Variants in GATAD2A observed in about 807,000 individuals in gnomAD.
GATAD2A encodes transcriptional repressor p66-alpha.
In GATAD2A, 12 loss-of-function variants were observed where a neutral mutation model predicts 68.5. The observed-to-expected ratio is 0.18, with a 90% CI of 0.11 to 0.28. The LOEUF is 0.28. GATAD2A is among the 10% of genes least tolerant of loss of function. The pLI is 1.00. For synonymous variants in GATAD2A, 410 were observed against 375.3 expected (o/e 1.09, Z -1.07); for missense variants, 755 against 868.5 (o/e 0.87, Z 1.64).
At chr19:19,447,343 T>C (rs1349711267) in intron 1 of GATAD2A, among the ~76,000 whole-genome samples, 1 of 151,984 alleles carries the variant, frequency 6.6e-6, no homozygotes, top group Admixed American at 6.6e-5. Flanking sequence ...GTGGCTGGAT[T>C]ATGGTCAGGC....
At chr19:19,434,610 GT>G (rs2147501841) in intron 1 of GATAD2A, among the ~76,000 whole-genome samples, 1 of 152,336 alleles carries the variant, frequency 6.6e-6, no homozygotes, top group African/African-American at 2.4e-5. Flanking sequence ...CAGAGGTGAT[GT>G]TGACACTATT....
intron 2 of GATAD2A, among the ~76,000 whole-genome samples, chr19:19,491,441 TG>T (rs1300590011): frequency 6.6e-6 from 1 of 151,960 alleles, no homozygotes; most frequent in African/African-American, 2.4e-5. Flanking sequence ...GAAAAAGGTG[TG>T]GGGGCTGGAA....
chr19:19,434,836 G>A (rs997499824), intron 1 of GATAD2A, among the ~76,000 whole-genome samples: 1 of 152,210 alleles, frequency 6.6e-6, no homozygotes, highest in Non-Finnish European at 1.5e-5. Flanking sequence ...TCTCTGGACA[G>A]CATCCCATGG....
intron 1 of GATAD2A, among the ~76,000 whole-genome samples, chr19:19,443,076 T>A (rs2055298057): frequency 6.6e-6 from 1 of 152,160 alleles, no homozygotes; most frequent in Admixed American, 6.5e-5. Context: ...ACACGGAGTT[T>A]AATTTTGTCT....
intron 2 of GATAD2A, among the ~76,000 whole-genome samples, chr19:19,467,344 T>C (rs1311996919): frequency 6.6e-6 from 1 of 152,062 alleles, no homozygotes; most frequent in Non-Finnish European, 1.5e-5. Flanking sequence ...CCACTGTACT[T>C]CAGCCTGGGG....
At chr19:19,431,009 G>GTGTGTGTGTGTGTA (rs967695097) in intron 1 of GATAD2A, among the ~76,000 whole-genome samples, 2 of 148,692 alleles carry the variant, frequency 1.3e-5, no homozygotes, top group African/African-American at 4.9e-5. Flanking sequence ...GTGTGTGTGT[G>GTGTGTGTGTGTGTA]TGTGTGTGTA....
intron 7 of GATAD2A, among the ~76,000 whole-genome samples, chr19:19,496,938 A>G (rs188424601): frequency 2.1e-3 from 314 of 152,344 alleles, no homozygotes; most frequent in Middle Eastern, 0.014. Flanking sequence ...GGCTCTGGGC[A>G]GTGTCCCTGC....
intron 1 of GATAD2A, among the ~76,000 whole-genome samples, chr19:19,418,735 C>T (rs1353658751): frequency 6.6e-6 from 1 of 152,164 alleles, no homozygotes; most frequent in African/African-American, 2.4e-5. Flanking sequence ...GTTTCATGCA[C>T]TGCTCAAATG....
At chr19:19,422,409 A>T (rs2052532777) in intron 1 of GATAD2A, among the ~76,000 whole-genome samples, 1 of 152,052 alleles carries the variant, frequency 6.6e-6, no homozygotes, top group African/African-American at 2.4e-5. Flanking sequence ...TGGGCCACAC[A>T]AGCAGAACTC....
intron 1 of GATAD2A, among the ~76,000 whole-genome samples, chr19:19,394,764 G>C (rs2146884105): frequency 6.6e-6 from 1 of 152,282 alleles, no homozygotes; most frequent in Admixed American, 6.5e-5. Flanking sequence ...TCTTACACTG[G>C]GACTGGGAAG....
In GATAD2A at chr19:19,505,479, A is replaced by C; in HGVS notation, c.*5A>C. ...CAGTCAGCCACGTGGAAATAGTGCG[A>C]GCCAGGCCCCGTGGAAGACGGGCTC... is the stretch of plus-strand genomic sequence containing the variant. On this transcript the variant is annotated 3_prime_UTR_variant, in exon 12 of 12. Coordinates refer to ENST00000683918, the MANE Select transcript of GATAD2A (RefSeq NM_001384528.1). 6.3e-7 allele frequency: 1 copy of C among 1,576,904 alleles called. No homozygotes were observed. The highest frequency in any genetic ancestry group is 1.8e-5 in the Admixed American group (1 of 55,044).
At chr19:19,418,007 C>G (rs776026234) in intron 1 of GATAD2A, among the ~76,000 whole-genome samples, 4 of 152,116 alleles carry the variant, frequency 2.6e-5, no homozygotes, top group Non-Finnish European at 5.9e-5. Flanking sequence ...ATCTGGGGCA[C>G]TCAGCTAAAG....
chr19:19,474,651 G>A (rs1445988122), intron 2 of GATAD2A, among the ~76,000 whole-genome samples: 1 of 152,206 alleles, frequency 6.6e-6, no homozygotes, highest in African/African-American at 2.4e-5. Flanking sequence ...GCTGTGCAAG[G>A]TCCCTGCAGA....
intron 1 of GATAD2A, chr19:19,458,454 C>T (rs1190989792): frequency 2.0e-5 from 3 of 152,204 alleles, no homozygotes; most frequent in African/African-American, 4.8e-5. Flanking sequence ...GAAACGTAGG[C>T]GTAACTCAGC....
chr19:19,436,475 C>G (rs1023549816), intron 1 of GATAD2A, among the ~76,000 whole-genome samples: 2 of 152,244 alleles, frequency 1.3e-5, no homozygotes, highest in Non-Finnish European at 2.9e-5. Flanking sequence ...TAAGATGAGC[C>G]TGTCCTCTCT....
rs369189401 is a variant in GATAD2A at position 19,498,479 on chromosome 19, T to C, written c.961T>C (p.Ser321Pro). ...PASLKGTTAT[S>P]AQANSTPTSV... ...ATCACTGAAGGGGACAACAGCCACCTCCGCTCAGGCCAACTCCACCCCCAC... is the reference window on the plus strand; with the variant it reads ...ATCACTGAAGGGGACAACAGCCACCCCCGCTCAGGCCAACTCCACCCCCAC... Residue 321 changes from serine (S) to proline (P), a missense_variant, in exon 8 of 12, where the codon TCC becomes CCC. Transcript: ENST00000683918. 1 of 1,612,396 alleles carries C rather than the reference T, an allele frequency of 6.2e-7. No individual in the cohort carries two copies. Among genetic ancestry groups the C allele is most frequent in the African/African-American group, 1.3e-5 (1 of 74,904 alleles).
intron 7 of GATAD2A, among the ~76,000 whole-genome samples, 184 bp from the exon 8 acceptor site, chr19:19,498,259 C>A (rs550351748): frequency 6.6e-6 from 1 of 152,244 alleles, no homozygotes; most frequent in Non-Finnish European, 1.5e-5. Context: ...GTGTTTCTCG[C>A]GCCTCTCCCT....
intron 2 of GATAD2A, among the ~76,000 whole-genome samples, chr19:19,489,430 G>A (rs1205250012): frequency 6.6e-6 from 1 of 152,244 alleles, no homozygotes; most frequent in African/African-American, 2.4e-5. Context: ...ACCAAGGAGG[G>A]AAATGCCTTT....
At chr19:19,418,143 G>A (rs1461977785) in intron 1 of GATAD2A, among the ~76,000 whole-genome samples, 1 of 152,202 alleles carries the variant, frequency 6.6e-6, no homozygotes, top group Non-Finnish European at 1.5e-5. Flanking sequence ...CTCTGGGACA[G>A]CTGGGTATTG....
Sources: allele counts gnomAD v4.1 joint callset (sites outside exome capture counted in the v4.1 genomes callset), GRCh38; gene constraint gnomAD v4.1.1; transcripts MANE v1.5; gene names NCBI Gene and HGNC (gene_info 2026-07-23, HGNC 2026-07-21).